Variants in CSMD1 observed in about 807,000 individuals in gnomAD.
CSMD1 encodes CUB and Sushi multiple domains 1.
A neutral mutation model predicts 417.5 loss-of-function variants in CSMD1; 213 were observed. The ratio of observed to expected loss-of-function variants is 0.51; its 90% confidence interval spans 0.46 to 0.57. CSMD1 has a LOEUF of 0.57. Ranked by LOEUF, CSMD1 falls within the 20% of genes least tolerant of loss-of-function variation. CSMD1 has a pLI of 0.00. For missense variants in CSMD1, 6,923 were observed against 4,529.7 expected, an observed-to-expected ratio of 1.53 and a Z score of -15.17; for synonymous variants, 2,862 against 1,736.8, an observed-to-expected ratio of 1.65 and a Z score of -16.11.
At chr8:3,175,930 T>C (rs2129045661) in intron 37 of CSMD1, among the ~76,000 whole-genome samples, 1 of 152,300 alleles carries the variant, frequency 6.6e-6, no homozygotes, top group South Asian at 2.1e-4. Flanking sequence ...CTATTTTGAC[T>C]CAGTGGCATA....
intron 2 of CSMD1, among the ~76,000 whole-genome samples, chr8:4,490,023 C>T (rs541621051): frequency 8.1e-5 from 12 of 148,002 alleles, no homozygotes; most frequent in Admixed American, 1.4e-4. Flanking sequence ...GGTCAATTTA[C>T]GATACTCAGG....
intron 3 of CSMD1, among the ~76,000 whole-genome samples, chr8:4,379,713 G>A (rs1802981071): frequency 9.8e-6 from 1 of 101,538 alleles, no homozygotes; most frequent in Non-Finnish European, 2.4e-5. Flanking sequence ...GCGGGAAGAG[G>A]GCAATGAAGC....
At chr8:4,321,572 G>A (rs796199884) in intron 3 of CSMD1, among the ~76,000 whole-genome samples, 1 of 152,020 alleles carries the variant, frequency 6.6e-6, no homozygotes, top group Non-Finnish European at 1.5e-5. Flanking sequence ...GACAATAAAT[G>A]GTGTGAGTAT....
At chr8:3,352,171 G>C (rs933623758) in intron 21 of CSMD1, among the ~76,000 whole-genome samples, 2 of 152,106 alleles carry the variant, frequency 1.3e-5, no homozygotes, top group South Asian at 4.1e-4. Context: ...GGAATGCCAG[G>C]ACCTGGGCAC....
intron 15 of CSMD1, among the ~76,000 whole-genome samples, chr8:3,405,163 A>G (rs1254134996): frequency 6.6e-6 from 1 of 152,198 alleles, no homozygotes; most frequent in Non-Finnish European, 1.5e-5. Context: ...TGCTAACAAG[A>G]TAGACAAAAA....
Position 3,266,946 on chromosome 8 carries a change from A to C in CSMD1, c.4153+17198T>G, listed in dbSNP as rs576532128. Among the ~76,000 whole-genome samples, 58 of 152,324 alleles carry C rather than the reference A, an allele frequency of 3.8e-4. No homozygotes were observed. In the South Asian group the frequency reaches 0.012, roughly 32 times the overall value. ...CAAGAAATGCAGACAGCCAACATAG[A>C]CTAAGGTATAAAATTTTGCTCTAAA... On this transcript the variant is annotated intron_variant, in intron 26 of 69. Coordinates refer to ENST00000635120, the MANE Select transcript of CSMD1 (RefSeq NM_033225.6).
In CSMD1 at chr8:4,994,482, G is replaced by C. The variant is rs1811651894; in HGVS notation, c.-66C>G. On this transcript the variant is annotated 5_prime_UTR_variant, in exon 1 of 70. Coordinates refer to ENST00000635120, the MANE Select transcript of CSMD1 (RefSeq NM_033225.6). ...TCCGAGGAAGGCAGGGCTATGAGCG[G>C]AGCCAAATAATCACCCGAGGGCAAG... 7 of 1,446,590 alleles carry C rather than the reference G, an allele frequency of 4.8e-6. No individual in the cohort carries two copies. Among genetic ancestry groups the C allele is most frequent in the African/African-American group, 2.8e-5 (2 of 71,886 alleles). 89.6% of individuals were successfully genotyped at this position (1,446,590 alleles called of 1,614,324 possible).
intron 49 of CSMD1, among the ~76,000 whole-genome samples, chr8:3,081,409 T>C (rs985018615): frequency 6.6e-6 from 1 of 152,218 alleles, no homozygotes; most frequent in South Asian, 2.1e-4. Context: ...TAGATCAATA[T>C]AGATTTTAAG....
intron 10 of CSMD1, among the ~76,000 whole-genome samples, chr8:3,533,811 T>C (rs576492785): frequency 6.6e-6 from 1 of 152,280 alleles, no homozygotes; most frequent in African/African-American, 2.4e-5. Flanking sequence ...AACATGAAAG[T>C]TCACTTTTTT....
chr8:3,912,867 T>A, intron 5 of CSMD1, among the ~76,000 whole-genome samples: 1 of 152,272 alleles, frequency 6.6e-6, no homozygotes, highest in Non-Finnish European at 1.5e-5. Flanking sequence ...GGCGTAGTAG[T>A]GATGGTGATG....
intron 26 of CSMD1, among the ~76,000 whole-genome samples, chr8:3,235,687 C>T (rs1176153670): frequency 6.6e-6 from 1 of 152,154 alleles, no homozygotes; most frequent in African/African-American, 2.4e-5. Flanking sequence ...TCAGTAGAAA[C>T]AGTGCCTTGC....
At chr8:4,242,134 T>C (rs1802441510) in intron 3 of CSMD1, among the ~76,000 whole-genome samples, 1 of 152,226 alleles carries the variant, frequency 6.6e-6, no homozygotes, top group Non-Finnish European at 1.5e-5. Context: ...TTATATGTCT[T>C]TCTTAGCATA....
At chr8:3,142,732 CT>C in intron 40 of CSMD1, 58 bp from the exon 41 acceptor site, 2 of 1,400,832 alleles carry the variant, frequency 1.4e-6, no homozygotes, top group Non-Finnish European at 2.0e-6. Context: ...AAAATCAATG[CT>C]CATAAAAAGG....
chr8:3,841,171 T>C (rs933639022), intron 5 of CSMD1, among the ~76,000 whole-genome samples: 1 of 152,150 alleles, frequency 6.6e-6, no homozygotes, highest in Admixed American at 6.6e-5. Context: ...GTGGAAATTG[T>C]GTTTTTATGT....
chr8:3,993,693 C>A (rs1378013468), intron 5 of CSMD1, among the ~76,000 whole-genome samples: 2 of 152,118 alleles, frequency 1.3e-5, no homozygotes, highest in African/African-American at 4.8e-5. Context: ...CATAAAGTAA[C>A]AGATGTTTCT....
chr8:4,826,702 G>A (rs117656436), intron 1 of CSMD1, among the ~76,000 whole-genome samples: 2,607 of 152,132 alleles, frequency 0.017, 24 homozygotes, highest in Non-Finnish European at 0.025. Flanking sequence ...CTTTCCCTGC[G>A]CTCTGCCTTT....
intron 1 of CSMD1, among the ~76,000 whole-genome samples, chr8:4,767,739 A>AT (rs1812562345): frequency 6.6e-6 from 1 of 152,080 alleles, no homozygotes; most frequent in East Asian, 1.9e-4. Flanking sequence ...CTCAGGCTTG[A>AT]TTTTGCATTT....
intron 1 of CSMD1, among the ~76,000 whole-genome samples, chr8:4,800,423 A>C (rs1798216326): frequency 6.7e-6 from 1 of 148,452 alleles, no homozygotes; most frequent in Non-Finnish European, 1.5e-5. Flanking sequence ...GGGTGACAAG[A>C]GCAAGACTTC....
intron 1 of CSMD1, among the ~76,000 whole-genome samples, chr8:4,739,513 G>A (rs1361869569): frequency 1.3e-5 from 2 of 152,128 alleles, no homozygotes; most frequent in East Asian, 1.9e-4. Context: ...TTTCTGTGCT[G>A]TGACTCAATG....
Sources: allele counts gnomAD v4.1 joint callset (sites outside exome capture counted in the v4.1 genomes callset), GRCh38; gene constraint gnomAD v4.1.1; transcripts MANE v1.5; gene names NCBI Gene and HGNC (gene_info 2026-07-23, HGNC 2026-07-21).